ATP4A: variants seen among roughly 807,000 people sequenced by gnomAD.
ATP4A encodes the protein potassium-transporting ATPase alpha chain 1.
In ATP4A, 73 loss-of-function variants were observed where a neutral mutation model predicts 112.1. The observed-to-expected ratio is 0.65, with a 90% CI of 0.54 to 0.79. The LOEUF (loss-of-function observed/expected upper bound fraction) is 0.79. Ranked by LOEUF, ATP4A falls within the 30% of genes least tolerant of loss-of-function variation. The pLI, the probability that ATP4A is intolerant of heterozygous loss-of-function variation, is 0.00. For synonymous variants in ATP4A, 588 were observed against 588.9 expected, an observed-to-expected ratio of 1.00 and a Z score of 0.02; for missense variants, 1,081 against 1,425.9, an observed-to-expected ratio of 0.76 and a Z score of 3.90.
Position 35,559,008 on chromosome 19 carries a change from T to G in ATP4A, c.1240A>C (p.Thr414Pro). 6.2e-7 allele frequency: 1 copy of G among 1,614,202 alleles called. No individual in the cohort carries two copies. Residue 414 changes from threonine (T) to proline (P), a missense_variant, in exon 8 of 22, where the codon ACG becomes CCG. Transcript: ENST00000262623. This position sits in a 1 kb window ranked among gnomAD's most constrained non-coding sequence, Gnocchi z 4.1. ...FDNHIHTADT[T>P]EDQSGQTFDQ... The stretch of plus-strand genomic sequence containing the variant: ...TCCCCCACACCTGACTGGTCTTCCG[T>G]GGTGTCAGCTGTGTGGATGTGGTTG...
In ATP4A at chr19:35,551,855, G is replaced by A. The variant is rs761706958; in HGVS notation, c.2752-275C>T. Among the ~76,000 whole-genome samples, 1 of 152,136 alleles carries A rather than the reference G, an allele frequency of 6.6e-6. No individual in the cohort carries two copies. The highest frequency in any genetic ancestry group is 6.5e-5 in the Admixed American group (1 of 15,270). ...TGGGCCGACTGCTTTCATAGTGAAA[G>A]GGGGGAGGCACCCAAAAGAAAGGGC... is the stretch of plus-strand genomic sequence containing the variant. On this transcript the variant is annotated intron_variant, in intron 18 of 21. Coordinates refer to ENST00000262623, the MANE Select transcript of ATP4A (RefSeq NM_000704.3). This position sits in a 1 kb window ranked among gnomAD's most constrained non-coding sequence, Gnocchi z 5.2.
intron 18 of ATP4A, 131 bp downstream of exon 18, chr19:35,552,906 A>C: frequency 1.6e-6 from 2 of 1,215,456 alleles, no homozygotes; most frequent in South Asian, 3.4e-5. Flanking sequence ...CCGAACTGGC[A>C]GGGAGTCTGG....
chr19:35,560,475 G>A lies in ATP4A; in HGVS notation c.675C>T (p.Asp225=). 6.2e-7 allele frequency: 1 copy of A among 1,613,666 alleles called. No homozygotes were observed. Among genetic ancestry groups the A allele is most frequent in the Admixed American group, 1.7e-5 (1 of 60,032 alleles). ...CAGACTCCCCTGTCAGCGAGGAGTT[G>A]TCCACCTTGCAGCCCTGGGCCGCCA... ...RILAAQGCKV[D]NSSLTGESEP... is the part of the protein sequence containing the mutation. Residue 225 remains aspartate (D), a synonymous_variant, in exon 6 of 22, where the codon GAC becomes GAT. Transcript: ENST00000262623. The surrounding 1 kb of genome is among the most constrained non-coding windows in gnomAD (Gnocchi z 5.1).
Position 35,551,245 on chromosome 19 carries a change from G to T in ATP4A, c.2886-134C>A, listed in dbSNP as rs527844373. 2.0e-5 allele frequency: 24 copies of T among 1,180,820 alleles called. No homozygotes were observed. The South Asian group carries it at 3.3e-4, about 16-fold the overall frequency. The allele number at this position is 1,180,820 out of a possible 1,614,324, so 73.1% of individuals were successfully genotyped here. A position where few individuals can be genotyped will look rare whatever the true frequency, so the allele number is the denominator to read the frequency against. ...TACACACTGAACACTGGAGTGGCCC[G>T]GGCCTCTCAGCACCACCCCTTTAGT... On this transcript the variant is annotated intron_variant, in intron 19 of 21. Coordinates refer to ENST00000262623, the MANE Select transcript of ATP4A (RefSeq NM_000704.3). The surrounding 1 kb of genome is among the most constrained non-coding windows in gnomAD (Gnocchi z 5.2).
Position 35,551,455 on chromosome 19 carries a change from G to C in ATP4A, c.2877C>G (p.Gly959=), listed in dbSNP as rs2071601457. ...KTRRLSAFQQ[G]FFRNKILVIA... is the part of the protein sequence containing the mutation. ...GGGCCAGCCAGGGACACCTGAAGAA[G>C]CCTTGCTGGAAGGCAGAGAGACGGC... Residue 959 remains glycine (G), a synonymous_variant, in exon 19 of 22, where the codon GGC becomes GGG. Transcript: ENST00000262623. The surrounding 1 kb of genome is among the most constrained non-coding windows in gnomAD (Gnocchi z 5.2). The C allele has an allele frequency of 6.2e-7, 1 of 1,614,016 alleles. No individual in the cohort carries two copies. The highest frequency in any genetic ancestry group is 2.2e-5 in the East Asian group (1 of 44,900).
Position 35,558,281 on chromosome 19 carries a change from C to T in ATP4A, c.1500+81G>A. The T allele has an allele frequency of 7.3e-6, 11 of 1,500,488 alleles. No individual in the cohort carries two copies. In the South Asian group the frequency reaches 1.4e-4, roughly 19 times the overall value. The allele number at this position is 1,500,488 out of a possible 1,614,324, so 92.9% of individuals were successfully genotyped here. On this transcript the variant is annotated intron_variant, in intron 10 of 21. Coordinates refer to ENST00000262623, the MANE Select transcript of ATP4A (RefSeq NM_000704.3). The surrounding 1 kb of genome is among the most constrained non-coding windows in gnomAD (Gnocchi z 5.1). ...AGAAGGGGCAAGGAGCGAAGCCCCT[C>T]GTGGCCCGCTGATGTGGGTGTGGCC...
In ATP4A at chr19:35,551,020, T is replaced by C. The variant is rs761452162; in HGVS notation, c.2977A>G (p.Met993Val). 1 of 1,613,866 alleles carries C rather than the reference T, an allele frequency of 6.2e-7. No individual in the cohort carries two copies. The highest frequency in any genetic ancestry group is 8.5e-7 in the Non-Finnish European group (1 of 1,179,868). ...CTCACAGCCTCTCACCGAATGGGCA[T>C]GAAGTTGAAGATGTTGGGCATGCCG... The part of the protein sequence containing the change: ...CPGMPNIFNF[M>V]PIRFQWWLVP... Residue 993 changes from methionine to valine, a missense_variant, in exon 20 of 22, where the codon ATG becomes GTG. By Grantham distance (21) the Met-to-Val change is conservative. Transcript: ENST00000262623. The surrounding 1 kb of genome is among the most constrained non-coding windows in gnomAD (Gnocchi z 5.2).
rs769498139 is a variant in ATP4A, at chr19:35,553,064, A to C, written c.2724T>G (p.Asp908Glu). 1 of 1,608,758 alleles carries C rather than the reference A, an allele frequency of 6.2e-7. No individual in the cohort carries two copies. The highest frequency in any genetic ancestry group is 1.1e-5 in the South Asian group (1 of 90,866). The change falls in exon 18 of 22, where the codon GAT (aspartate) becomes GAG (glutamate). Residue 908 changes from aspartate to glutamate, a missense_variant. Asp to Glu is a conservative substitution (Grantham distance 45). Transcript: ENST00000262623. ...ACTCCTGGCCGTAGCTGTCCTGCAG[A>C]TCTTGTAGGTGGTGGTCCTCCCACT... ...RAQWEDHHLQ[D>E]LQDSYGQEWT...
chr19:35,553,632 G>A, intron 17 of ATP4A, 74 bp downstream of exon 17: 4 of 1,570,632 alleles, frequency 2.5e-6, no homozygotes, highest in Non-Finnish European at 3.5e-6. Flanking sequence ...GGAGCCCAAG[G>A]CAGGGCCTGG....
chr19:35,557,683 G>A lies in ATP4A; in HGVS notation c.1665C>T (p.Ser555=). Residue 555 remains serine, a synonymous_variant, in exon 11 of 22, where the codon AGC becomes AGT. Coordinates refer to ENST00000262623, the MANE Select transcript of ATP4A (RefSeq NM_000704.3). The surrounding 1 kb of genome is among the most constrained non-coding windows in gnomAD (Gnocchi z 4.4). ...GCACGCGTTCGCCCAGGCCTCCCAG[G>A]CTGAGGTAGGCGGTCTGGAAGGCCT... ...WREAFQTAYL[S]LGGLGERVLG... is the part of the protein sequence containing the mutation. 6.2e-7 allele frequency: 1 copy of A among 1,609,348 alleles called. No individual in the cohort carries two copies. The highest frequency in any genetic ancestry group is 8.5e-7 in the Non-Finnish European group (1 of 1,178,670).
In ATP4A at chr19:35,558,538, C is replaced by T. The variant is rs1434403605; in HGVS notation, c.1365+39G>A. 1.9e-6 allele frequency: 3 copies of T among 1,590,004 alleles called. No individual in the cohort carries two copies. In the African/African-American group the frequency reaches 4.0e-5, roughly 21 times the overall value. On this transcript the variant is annotated intron_variant, in intron 9 of 21. Transcript: ENST00000262623. This position sits in a 1 kb window ranked among gnomAD's most constrained non-coding sequence, Gnocchi z 5.1. ...GTGTCAGGGGCGAAGCCGGCTACAC[C>T]AGCCTCCCGGGATTCCCTGGAGGCC...
At position 35,550,618 on chromosome 19, in the gene ATP4A, A is replaced by G. The variant is rs145729167; in HGVS notation, c.3105T>C (p.Tyr1035=). The change falls in exon 22 of 22, where the codon TAT becomes TAC. Residue 1035 remains tyrosine, a synonymous_variant. Coordinates refer to ENST00000262623, the MANE Select transcript of ATP4A (RefSeq NM_000704.3). This position sits in a 1 kb window ranked among gnomAD's most constrained non-coding sequence, Gnocchi z 4.1. ...PGSWWDQELY[Y] ...ATGCTTGAAGGCAGTCGTCCCTCTAATAGTAGAGTTCCTGGTCCCACCAGC... is the reference window on the plus strand; with the variant it reads ...ATGCTTGAAGGCAGTCGTCCCTCTAGTAGTAGAGTTCCTGGTCCCACCAGC... 7.4e-6 allele frequency: 12 copies of G among 1,613,782 alleles called. 1 individual carries two copies. In the African/African-American group the frequency reaches 1.2e-4, roughly 16 times the overall value.
At position 35,560,080 on chromosome 19, in the gene ATP4A, G is replaced by A. The variant is rs1174087961; in HGVS notation, c.788-7C>T. 1 of 1,613,038 alleles carries A rather than the reference G, an allele frequency of 6.2e-7. No homozygotes were observed. The highest frequency in any genetic ancestry group is 1.7e-5 in the Admixed American group (1 of 59,956). On this transcript the variant is annotated splice_polypyrimidine_tract_variant and splice_region_variant and intron_variant, in intron 6 of 21. Coordinates refer to ENST00000262623, the MANE Select transcript of ATP4A (RefSeq NM_000704.3). This position sits in a 1 kb window ranked among gnomAD's most constrained non-coding sequence, Gnocchi z 5.1. ...ACCAGGCCCTGCACGGTGCCTGCAG[G>A]GGGGCCAAGGCGCGACTCAGGGATA...
In ATP4A at chr19:35,558,562, C is replaced by A. The variant is rs763475568; in HGVS notation, c.1365+15G>T. 1.0e-5 allele frequency: 16 copies of A among 1,595,912 alleles called. No individual in the cohort carries two copies. The East Asian group carries it at 3.4e-4, about 34-fold the overall frequency. On this transcript the variant is annotated intron_variant, in intron 9 of 21. Coordinates refer to ENST00000262623, the MANE Select transcript of ATP4A (RefSeq NM_000704.3). This position sits in a 1 kb window ranked among gnomAD's most constrained non-coding sequence, Gnocchi z 5.1. ...CCAGCCTCCCGGGATTCCCTGGAGG[C>A]CCCCTGGCTCTCACCTTGGGCACAG...
In ATP4A at chr19:35,559,299, G is replaced by A; in HGVS notation, c.1057-108C>T. On this transcript the variant is annotated intron_variant, in intron 7 of 21. Transcript: ENST00000262623. The surrounding 1 kb of genome is among the most constrained non-coding windows in gnomAD (Gnocchi z 4.1). ...TTACCCCAGCCGCGGGGCTGCGTGTGCAACGTGCTTCTGCAAACACCAGGT... is the reference window on the plus strand; with the variant it reads ...TTACCCCAGCCGCGGGGCTGCGTGTACAACGTGCTTCTGCAAACACCAGGT... 1 of 1,187,696 alleles carries A rather than the reference G, an allele frequency of 8.4e-7. No individual in the cohort carries two copies. The highest frequency in any genetic ancestry group is 1.2e-6 in the Non-Finnish European group (1 of 826,896). The allele number at this position is 1,187,696 out of a possible 1,614,324, so 73.6% of individuals were successfully genotyped here. A position where few individuals can be genotyped will look rare whatever the true frequency, so the allele number is the denominator to read the frequency against.
Position 35,563,636 on chromosome 19 carries a change from C to T in ATP4A, c.-7G>A, listed in dbSNP as rs761462066. 132 of 1,591,858 alleles carry T rather than the reference C, an allele frequency of 8.3e-5. No individual in the cohort carries two copies. The highest frequency in any genetic ancestry group is 3.4e-4 in the Middle Eastern group (2 of 5,964). ...CACTCACGGCCTTCCCCATGGTGCCCGGTGCCTGTGCTCCCACCCAACAGA... is the reference window on the plus strand; with the variant it reads ...CACTCACGGCCTTCCCCATGGTGCCTGGTGCCTGTGCTCCCACCCAACAGA... On this transcript the variant is annotated 5_prime_UTR_variant, in exon 1 of 22. Transcript: ENST00000262623.
chr19:35,554,939 C>T lies in ATP4A; in HGVS notation c.2464G>A (p.Glu822Lys). The T allele has an allele frequency of 1.2e-6, 2 of 1,614,004 alleles. No homozygotes were observed. The highest frequency in any genetic ancestry group is 8.5e-7 in the Non-Finnish European group (1 of 1,180,000). ...PLGCITILFI[E>K]LCTDIFPSVS... ...GGACTTACAATGTCAGTGCAGAGTTCGATGAAGAGGATGGTGATGCACCCG... is the reference window on the plus strand; with the variant it reads ...GGACTTACAATGTCAGTGCAGAGTTTGATGAAGAGGATGGTGATGCACCCG... The change falls in exon 16 of 22, where the codon GAA (glutamate) becomes AAA (lysine). Residue 822 changes from glutamate (E) to lysine (K), a missense_variant. Glu to Lys is a moderately conservative substitution (Grantham distance 56, BLOSUM62 1). Around this residue, in one of 3 missense-constraint regions of ATP4A, gnomAD observed 219 missense variants for 320.9 expected, o/e 0.68. Transcript: ENST00000262623.
rs1194441466 is a variant in ATP4A at position 35,560,646 on chromosome 19, G to C, written c.535-31C>G. Reference sequence around the variant, plus strand: ...GGGCAGGGGCACCAAAGTTGAGGTGGACGGGGGTGGGGGTGGGAGCTGCTG... The same window carrying C: ...GGGCAGGGGCACCAAAGTTGAGGTGCACGGGGGTGGGGGTGGGAGCTGCTG... On this transcript the variant is annotated intron_variant, in intron 5 of 21. Coordinates refer to ENST00000262623, the MANE Select transcript of ATP4A (RefSeq NM_000704.3). The surrounding 1 kb of genome is among the most constrained non-coding windows in gnomAD (Gnocchi z 5.1). 1 of 1,591,326 alleles carries C rather than the reference G, an allele frequency of 6.3e-7. No individual in the cohort carries two copies. The highest frequency in any genetic ancestry group is 2.2e-5 in the East Asian group (1 of 44,474).
rs1052957552 is a variant in ATP4A at position 35,559,752 on chromosome 19, A to C, written c.1056+53T>G. The C allele has an allele frequency of 6.3e-7, 1 of 1,592,294 alleles. No homozygotes were observed. The highest frequency in any genetic ancestry group is 2.3e-5 in the East Asian group (1 of 44,368). On this transcript the variant is annotated intron_variant, in intron 7 of 21. Transcript: ENST00000262623. This position sits in a 1 kb window ranked among gnomAD's most constrained non-coding sequence, Gnocchi z 4.1. The stretch of plus-strand genomic sequence containing the variant: ...ATGGGGGAAATGTGGAGGAAAGAAC[A>C]GATGGTTGAGCAGGCCCCTCAGCTC...
Sources: allele counts gnomAD v4.1 joint callset (sites outside exome capture counted in the v4.1 genomes callset), GRCh38; gene constraint gnomAD v4.1.1; regional missense constraint gnomAD v4.1.1; non-coding constraint Gnocchi (gnomAD v3.1); transcripts MANE v1.5; gene names NCBI Gene and HGNC (gene_info 2026-07-23, HGNC 2026-07-21).